CAMKMT: variants seen among roughly 807,000 people sequenced by gnomAD.
CAMKMT encodes CaM KMT.
In CAMKMT, 53 loss-of-function variants were observed where a neutral mutation model predicts 48.0. The ratio of observed to expected loss-of-function variants is 1.10; its 90% CI spans 0.89 to 1.39. The LOEUF is 1.39. Ranked by LOEUF, CAMKMT falls within the 40% of genes most tolerant of loss-of-function variation. CAMKMT has a pLI of 0.00. For synonymous variants in CAMKMT, 165 were observed against 152.3 expected, an observed-to-expected ratio of 1.08 and a Z score of -0.61; for missense variants, 428 against 402.7, an observed-to-expected ratio of 1.06 and a Z score of -0.54.
chr2:44,561,132 TC>T (rs887555642), intron 3 of CAMKMT, among the ~76,000 whole-genome samples: 1 of 152,200 alleles, frequency 6.6e-6, no homozygotes, highest in African/African-American at 2.4e-5. Flanking sequence ...CATTTTTTTT[TC>T]TTTCTTCTTG....
At position 44,411,194 on chromosome 2, in the gene CAMKMT, C is replaced by T. The variant is rs537257570; in HGVS notation, c.376+20889C>T. The stretch of plus-strand genomic sequence containing the variant: ...AGACAAAACCTTGTACATTATATTC[C>T]TGGGCATCCAGATTTGTTAGGGTAG... On this transcript the variant is annotated intron_variant, in intron 3 of 10. Coordinates refer to ENST00000378494, the MANE Select transcript of CAMKMT (RefSeq NM_024766.5). Among the ~76,000 whole-genome samples, 6 of 152,170 alleles carry T rather than the reference C, an allele frequency of 3.9e-5. No individual in the cohort carries two copies. The South Asian group carries it at 1.2e-3, about 32-fold the overall frequency.
intron 3 of CAMKMT, among the ~76,000 whole-genome samples, chr2:44,413,704 A>G (rs1218576607): frequency 6.6e-6 from 1 of 152,072 alleles, no homozygotes; most frequent in African/African-American, 2.4e-5. Flanking sequence ...TCCATGGGAA[A>G]TATATACATT....
At chr2:44,390,672 T>G (rs1178429105) in intron 3 of CAMKMT, among the ~76,000 whole-genome samples, 1 of 152,130 alleles carries the variant, frequency 6.6e-6, no homozygotes, top group Non-Finnish European at 1.5e-5. Flanking sequence ...TCTTCCTTCT[T>G]TGCTTTGTTT....
At chr2:44,689,731 T>C (rs1208094980) in intron 3 of CAMKMT, among the ~76,000 whole-genome samples, 1 of 152,168 alleles carries the variant, frequency 6.6e-6, no homozygotes, top group East Asian at 1.9e-4. Flanking sequence ...CTTTCTGACA[T>C]CCTCTCTGAC....
Position 44,653,140 on chromosome 2 carries a change from A to G in CAMKMT, c.377-51143A>G, listed in dbSNP as rs949923467. On this transcript the variant is annotated intron_variant, in intron 3 of 10. Transcript: ENST00000378494. This position sits in a 1 kb window ranked among gnomAD's most constrained non-coding sequence, Gnocchi z 5.2. ...CTAACGTACAGTCTTGTGCTTGTTG[A>G]TCCTGGCTTCATAAGAGTCTTTTTT... Among the ~76,000 whole-genome samples, 1 of 152,014 alleles carries G rather than the reference A, an allele frequency of 6.6e-6. No homozygotes were observed. The highest frequency in any genetic ancestry group is 2.4e-5 in the African/African-American group (1 of 41,390).
chr2:44,757,500 AT>A (rs1299272004), intron 9 of CAMKMT, among the ~76,000 whole-genome samples: 5 of 151,928 alleles, frequency 3.3e-5, no homozygotes, highest in Non-Finnish European at 7.4e-5. Context: ...TGTAATGCAC[AT>A]GATTGGCTCT....
intron 3 of CAMKMT, among the ~76,000 whole-genome samples, chr2:44,637,061 T>C (rs538668276): frequency 6.6e-6 from 1 of 152,216 alleles, no homozygotes; most frequent in Non-Finnish European, 1.5e-5. Context: ...TGATTTGACA[T>C]ACTGCTGTTG....
chr2:44,670,614 G>A (rs950351827), intron 3 of CAMKMT, among the ~76,000 whole-genome samples: 9 of 152,262 alleles, frequency 5.9e-5, no homozygotes, highest in African/African-American at 1.9e-4. Context: ...ATCATGCTAC[G>A]ATAATGCCAC....
intron 3 of CAMKMT, among the ~76,000 whole-genome samples, chr2:44,615,201 C>T (rs1382673547): frequency 6.6e-6 from 1 of 152,012 alleles, no homozygotes; most frequent in Non-Finnish European, 1.5e-5. Flanking sequence ...ATTGGGATTA[C>T]AGGTTGAATT....
chr2:44,463,497 A>G (rs1194325298), intron 3 of CAMKMT, among the ~76,000 whole-genome samples: 1 of 152,176 alleles, frequency 6.6e-6, no homozygotes, highest in Admixed American at 6.5e-5. Flanking sequence ...TGAAATGTAC[A>G]TGCAATATAC....
chr2:44,491,146 G>C (rs954681511), intron 3 of CAMKMT, among the ~76,000 whole-genome samples: 44 of 63,286 alleles, frequency 7.0e-4, no homozygotes, highest in Admixed American at 1.3e-3. Flanking sequence ...GCCAGACCTT[G>C]TCTCAAAAAA....
At chr2:44,403,299 A>T (rs561050204) in intron 3 of CAMKMT, among the ~76,000 whole-genome samples, 1 of 152,126 alleles carries the variant, frequency 6.6e-6, no homozygotes, top group African/African-American at 2.4e-5. Context: ...TCCACCCCCA[A>T]TTAAAAAGTA....
rs541124752 is a variant in CAMKMT at position 44,554,316 on chromosome 2, C to T, written c.377-149967C>T. On this transcript the variant is annotated intron_variant, in intron 3 of 10. Transcript: ENST00000378494. ...GATGGTGTGTGAGCACAGAAATCTT[C>T]CTAGTAACCCAGATTGCCTAGGTTC... Among the ~76,000 whole-genome samples the T allele has an allele frequency of 2.6e-5, 4 of 152,344 alleles. No individual in the cohort carries two copies. The East Asian group carries it at 5.8e-4, about 22-fold the overall frequency.
chr2:44,427,891 G>A (rs546410016), intron 3 of CAMKMT, among the ~76,000 whole-genome samples: 34 of 152,232 alleles, frequency 2.2e-4, no homozygotes, highest in Non-Finnish European at 4.4e-4. Flanking sequence ...CTCAGCTGCC[G>A]TGCCCAAACC....
chr2:44,672,413 G>T (rs1292258276), intron 3 of CAMKMT, among the ~76,000 whole-genome samples: 2 of 151,058 alleles, frequency 1.3e-5, no homozygotes, highest in Admixed American at 6.6e-5. Context: ...AATTTTGTGG[G>T]TTTTTTTTTC....
intron 3 of CAMKMT, among the ~76,000 whole-genome samples, chr2:44,587,624 C>T (rs1361264592): frequency 6.4e-5 from 7 of 109,456 alleles, no homozygotes; most frequent in Non-Finnish European, 1.2e-4. Context: ...TGCAGGCGCG[C>T]GCCGCCACGC....
intron 3 of CAMKMT, chr2:44,400,761 AT>A (rs1682293019): frequency 6.6e-6 from 1 of 151,560 alleles, no homozygotes; most frequent in Admixed American, 6.6e-5. Flanking sequence ...TATTTTAAAT[AT>A]TTTTCAACAG....
intron 3 of CAMKMT, among the ~76,000 whole-genome samples, chr2:44,686,702 G>T (rs1448415369): frequency 1.3e-5 from 2 of 152,184 alleles, no homozygotes; most frequent in Non-Finnish European, 2.9e-5. Flanking sequence ...AATCTTTCTG[G>T]AAATGAACGC....
At chr2:44,390,431 GAA>G (rs1206338548) in intron 3 of CAMKMT, 126 bp downstream of exon 3, 10 of 539,570 alleles carry the variant, frequency 1.9e-5, no homozygotes, top group Non-Finnish European at 2.6e-5. Context: ...ATATATAATA[GAA>G]AGTTTGACTG....
Sources: gnomAD v4.1 joint callset for allele counts (sites outside exome capture counted in the v4.1 genomes callset) on GRCh38, gnomAD v4.1.1 for gene constraint, Gnocchi (gnomAD v3.1) non-coding constraint, MANE v1.5 for transcripts, NCBI Gene and HGNC (gene_info 2026-07-23, HGNC 2026-07-21) for gene names.